ANKRD17: variants seen among roughly 807,000 people sequenced by gnomAD.
ANKRD17 encodes ankyrin repeat domain 17, also known as ankyrin repeat domain-containing protein 17.
In ANKRD17, 19 loss-of-function variants were observed where a neutral mutation model predicts 229.7. The ratio of observed to expected loss-of-function variants is 0.08; its 90% CI spans 0.06 to 0.12. The LOEUF is 0.12. ANKRD17 is among the 10% of genes least tolerant of loss of function. The pLI is 1.00. For missense variants in ANKRD17, 2,176 were observed against 3,176.8 expected (o/e 0.68, Z 7.57); for synonymous variants, 1,112 against 1,146.1 (o/e 0.97, Z 0.60).
At chr4:73,188,968 A>C (rs1736662516) in intron 1 of ANKRD17, among the ~76,000 whole-genome samples, 1 of 152,250 alleles carries the variant, frequency 6.6e-6, no homozygotes, top group Non-Finnish European at 1.5e-5. Flanking sequence ...AATTAACTCA[A>C]GAAATGGTAG....
intron 3 of ANKRD17, among the ~76,000 whole-genome samples, chr4:73,160,472 G>A (rs1578229714): frequency 6.6e-6 from 1 of 152,108 alleles, no homozygotes; most frequent in East Asian, 1.9e-4. Flanking sequence ...GCCCGCCTCG[G>A]CCTCCAAAGT....
At position 73,142,209 on chromosome 4, in the gene ANKRD17, T is replaced by C. The variant is rs757086529; in HGVS notation, c.2229+33A>G. On this transcript the variant is annotated intron_variant, in intron 13 of 33. Coordinates refer to ENST00000358602, the MANE Select transcript of ANKRD17 (RefSeq NM_032217.5). ...TGAAAGAATTAGGATAAAGAAGACA[T>C]ACCATAAAATGCTTTAATTTTTAAA... The C allele has an allele frequency of 2.8e-5, 43 of 1,511,292 alleles. No homozygotes were observed. The Admixed American group carries it at 7.8e-4, about 27-fold the overall frequency. The allele number at this position is 1,511,292 out of a possible 1,614,324, so 93.6% of individuals were successfully genotyped here. A position where few individuals can be genotyped will look rare whatever the true frequency, so the allele number is the denominator to read the frequency against.
intron 1 of ANKRD17, among the ~76,000 whole-genome samples, chr4:73,180,908 C>T (rs1429951710): frequency 6.6e-6 from 1 of 152,144 alleles, no homozygotes; most frequent in Non-Finnish European, 1.5e-5. Context: ...ATTATACATA[C>T]AGTCTTTCTA....
At chr4:73,113,157 A>G (rs1173591849) in intron 24 of ANKRD17, 3 of 1,252,552 alleles carry the variant, frequency 2.4e-6, no homozygotes, top group Non-Finnish European at 3.1e-6. Flanking sequence ...TTATTTTCCT[A>G]TGATTACTAT....
intron 1 of ANKRD17, among the ~76,000 whole-genome samples, chr4:73,204,110 A>G (rs1739095548): frequency 6.6e-6 from 1 of 152,096 alleles, no homozygotes. Context: ...CTGTAATACC[A>G]GCACTTTGGG....
chr4:73,151,583 A>T, intron 6 of ANKRD17, 59 bp from the exon 7 acceptor site: 29 of 1,262,204 alleles, frequency 2.3e-5, no homozygotes, highest in Non-Finnish European at 3.0e-5. Context: ...AATATTTTTT[A>T]AAATTATAAT....
chr4:73,239,559 G>T (rs558680094), intron 1 of ANKRD17, among the ~76,000 whole-genome samples: 28 of 152,170 alleles, frequency 1.8e-4, no homozygotes, highest in South Asian at 8.3e-4. Context: ...TCTCATTTAT[G>T]CAAAACAAAA....
At chr4:73,156,249 G>C in intron 3 of ANKRD17, 83 bp from the exon 4 acceptor site, 4 of 1,454,132 alleles carry the variant, frequency 2.8e-6, no homozygotes, top group Non-Finnish European at 3.6e-6. Flanking sequence ...TGATTGTTTT[G>C]TTTTTTGTTG....
intron 1 of ANKRD17, among the ~76,000 whole-genome samples, chr4:73,229,568 A>AT (rs1491239138): frequency 6.6e-6 from 1 of 151,824 alleles, no homozygotes; most frequent in Non-Finnish European, 1.5e-5. Flanking sequence ...AAAAAAACAC[A>AT]TAAATTCTCC....
chr4:73,141,570 A>G (rs1037873152), intron 14 of ANKRD17, among the ~76,000 whole-genome samples, 171 bp downstream of exon 14: 2 of 152,200 alleles, frequency 1.3e-5, no homozygotes, highest in African/African-American at 2.4e-5. Flanking sequence ...TTGTAGCACA[A>G]ATTAGTGCTA....
chr4:73,229,260 T>C (rs1560763596), intron 1 of ANKRD17, among the ~76,000 whole-genome samples: 1 of 152,220 alleles, frequency 6.6e-6, no homozygotes, highest in Non-Finnish European at 1.5e-5. Flanking sequence ...TGTGCACATG[T>C]ACCCTAGAAC....
chr4:73,189,835 G>C (rs1488208852), intron 1 of ANKRD17, among the ~76,000 whole-genome samples: 10 of 152,010 alleles, frequency 6.6e-5, no homozygotes, highest in Non-Finnish European at 2.9e-5. Flanking sequence ...GAACCTTTCA[G>C]ACTTAGTGCT....
At chr4:73,130,822 C>G (rs1312285332) in intron 16 of ANKRD17, among the ~76,000 whole-genome samples, 1 of 152,054 alleles carries the variant, frequency 6.6e-6, no homozygotes, top group Non-Finnish European at 1.5e-5. Context: ...TCATATTTTA[C>G]ACAATAAAAT....
At chr4:73,081,358 A>C (rs112993394) in intron 30 of ANKRD17, among the ~76,000 whole-genome samples, 7 of 147,930 alleles carry the variant, frequency 4.7e-5, no homozygotes, top group Non-Finnish European at 1.0e-4. Context: ...CAAATCCTCT[A>C]AGAGAGAGAG....
At chr4:73,173,040 C>T (rs527845050) in intron 2 of ANKRD17, among the ~76,000 whole-genome samples, 99 of 152,188 alleles carry the variant, frequency 6.5e-4, no homozygotes, top group Non-Finnish European at 9.3e-4. Context: ...AAAAACAAGA[C>T]CCAATGACCT....
chr4:73,168,477 C>A (rs535085776), intron 2 of ANKRD17, among the ~76,000 whole-genome samples: 7 of 152,028 alleles, frequency 4.6e-5, no homozygotes, highest in African/African-American at 1.7e-4. Flanking sequence ...TCAATTAAAA[C>A]ATTGTTCCTA....
chr4:73,205,238 G>T (rs1202720621), intron 1 of ANKRD17, among the ~76,000 whole-genome samples: 1 of 152,086 alleles, frequency 6.6e-6, no homozygotes, highest in Non-Finnish European at 1.5e-5. Context: ...GAGGTGAGAG[G>T]ATCGCTTGTG....
At chr4:73,208,320 C>CATATTCTG (rs1297917879) in intron 1 of ANKRD17, among the ~76,000 whole-genome samples, 1 of 151,688 alleles carries the variant, frequency 6.6e-6, no homozygotes, top group Non-Finnish European at 1.5e-5. Context: ...CAAAATAAAC[C>CATATTCTG]ATATTCTGGG....
Position 73,258,455 on chromosome 4 carries a change from G to A in ANKRD17, c.214C>T (p.His72Tyr), listed in dbSNP as rs367776945. ...LKKKPPQQQH[H>Y]KAKRNRTCRP... Reference sequence around the variant, plus strand: ...CAAGTCCGGTTACGCTTGGCCTTGTGGTGCTGCTGCTGCGGCGGCTTCTTC... The same window carrying A: ...CAAGTCCGGTTACGCTTGGCCTTGTAGTGCTGCTGCTGCGGCGGCTTCTTC... The change falls in exon 1 of 34, where the codon CAC becomes TAC. Residue 72 changes from histidine (H) to tyrosine (Y), a missense_variant. Around this residue, in one of 18 missense-constraint regions of ANKRD17, gnomAD observed 196 missense variants for 190.0 expected, o/e 1.03. Coordinates refer to ENST00000358602, the MANE Select transcript of ANKRD17 (RefSeq NM_032217.5). The A allele has an allele frequency of 1.4e-5, 22 of 1,607,586 alleles. No individual in the cohort carries two copies. The highest frequency in any genetic ancestry group is 1.8e-5 in the Non-Finnish European group (21 of 1,178,068).
Sources: gnomAD v4.1 joint callset for allele counts (sites outside exome capture counted in the v4.1 genomes callset) on GRCh38, gnomAD v4.1.1 for gene constraint, gnomAD v4.1.1 regional missense constraint, MANE v1.5 for transcripts, NCBI Gene and HGNC (gene_info 2026-07-23, HGNC 2026-07-21) for gene names.